Variants in MEIS1 observed in about 807,000 individuals in gnomAD.
The protein encoded by MEIS1 is Meis homeobox 1, also known as homeobox protein Meis1.
Under a neutral mutation model 50.8 loss-of-function variants are expected in MEIS1, and 5 were observed. That is an observed-to-expected ratio of 0.10 (90% CI 0.05 to 0.21). The LOEUF (loss-of-function observed/expected upper bound fraction) is 0.21. MEIS1 is among the 10% of genes least tolerant of loss of function. The pLI is 1.00. For missense variants in MEIS1, 318 were observed against 517.3 expected, an observed-to-expected ratio of 0.61 and a Z score of 3.74; for synonymous variants, 176 against 179.3, an observed-to-expected ratio of 0.98 and a Z score of 0.15.
intron 2 of MEIS1, among the ~76,000 whole-genome samples, chr2:66,438,654 G>A (rs1365070042): frequency 1.3e-5 from 2 of 152,106 alleles, no homozygotes; most frequent in Admixed American, 6.5e-5. Context: ...TTCTGGCTGC[G>A]GTTTATACTG....
chr2:66,562,038 A>ATTTTGTTTTTTTTTT (rs1675225838), intron 9 of MEIS1: 1 of 61,274 alleles, frequency 1.6e-5, no homozygotes, highest in Non-Finnish European at 2.8e-5. Context: ...TGAGCAAGTA[A>ATTTTGTTTTTTTTTT]TTTTTTTTTT....
At chr2:66,483,683 A>T (rs900907658) in intron 7 of MEIS1, among the ~76,000 whole-genome samples, 1 of 152,222 alleles carries the variant, frequency 6.6e-6, no homozygotes, top group African/African-American at 2.4e-5. Flanking sequence ...GGTCTACTGG[A>T]TTCCTTTTAA....
chr2:66,511,633 A>G (rs1433044765), intron 7 of MEIS1, among the ~76,000 whole-genome samples: 6 of 152,172 alleles, frequency 3.9e-5, no homozygotes, highest in African/African-American at 1.4e-4. Flanking sequence ...TCCTATGTCA[A>G]ACTGCTTATA....
At chr2:66,539,132 C>CT (rs916558136) in intron 8 of MEIS1, among the ~76,000 whole-genome samples, 17 of 152,140 alleles carry the variant, frequency 1.1e-4, no homozygotes, top group African/African-American at 4.1e-4. Context: ...TATGATCCAC[C>CT]TGCCTTGGCC....
In MEIS1 at chr2:66,495,087, T is replaced by C. The variant is rs1438950856; in HGVS notation, c.743-17062T>C. ...CACTTTCCCTCTTCTGACCTTTTTT[T>C]TTTTTTTTTTTTTTTTTTTTTAAAC... On this transcript the variant is annotated intron_variant, in intron 7 of 12. Transcript: ENST00000272369. Among the ~76,000 whole-genome samples, 152 of 147,408 alleles carry C rather than the reference T, an allele frequency of 1.0e-3. 16 individuals are homozygous for C. Among genetic ancestry groups the C allele is most frequent in the Non-Finnish European group, 1.5e-4 (10 of 66,820 alleles).
chr2:66,512,230 A>G lies in MEIS1; in HGVS notation c.824A>G (p.Lys275Arg). ...GATAAGGACAAAAAGCGTCACAAAA[A>G]GCGTGGCATCTTTCCCAAAGTAGCC... The part of the protein sequence containing the change: ...DPDKDKKRHK[K>R]RGIFPKVATN... The change falls in exon 8 of 13, where the codon AAG (lysine) becomes AGG (arginine). Residue 275 changes from lysine to arginine, a missense_variant. Around this residue, in one of 6 missense-constraint regions of MEIS1, gnomAD observed 40 missense variants for 102.8 expected, o/e 0.39. Transcript: ENST00000272369. 1 of 1,612,792 alleles carries G rather than the reference A, an allele frequency of 6.2e-7. No homozygotes were observed. The highest frequency in any genetic ancestry group is 8.5e-7 in the Non-Finnish European group (1 of 1,179,528).
intron 7 of MEIS1, among the ~76,000 whole-genome samples, chr2:66,492,485 C>A (rs903982027): frequency 6.6e-6 from 1 of 152,182 alleles, no homozygotes; most frequent in African/African-American, 2.4e-5. Context: ...TGGCTGCCCT[C>A]TCTACCCTGC....
intron 7 of MEIS1, among the ~76,000 whole-genome samples, chr2:66,491,419 T>A (rs749810983): frequency 3.3e-5 from 5 of 152,250 alleles, no homozygotes; most frequent in Admixed American, 6.5e-5. Context: ...TCCTTTAATG[T>A]CAGTATATCT....
chr2:66,461,652 A>G, intron 6 of MEIS1: 2 of 311,762 alleles, frequency 6.4e-6, no homozygotes, highest in South Asian at 3.0e-5. Context: ...ATTTAAACAT[A>G]TAGGTTGCAC....
At chr2:66,439,620 T>C (rs1671898643) in intron 2 of MEIS1, 1 of 1,537,258 alleles carries the variant, frequency 6.5e-7, no homozygotes, top group Non-Finnish European at 8.7e-7. Flanking sequence ...GATCCTCAGA[T>C]ACCGTCCATG....
At chr2:66,500,629 T>A (rs1673530821) in intron 7 of MEIS1, among the ~76,000 whole-genome samples, 1 of 152,134 alleles carries the variant, frequency 6.6e-6, no homozygotes, top group African/African-American at 2.4e-5. Flanking sequence ...TTCACCATCT[T>A]GGCCAGGCTG....
intron 8 of MEIS1, among the ~76,000 whole-genome samples, chr2:66,530,215 G>GGA (rs1674356338): frequency 1.4e-5 from 2 of 147,214 alleles, no homozygotes; most frequent in Non-Finnish European, 3.0e-5. Flanking sequence ...AAAAAGGAAA[G>GGA]AAGAAAAGAT....
At chr2:66,527,026 A>G (rs1674268938) in intron 8 of MEIS1, among the ~76,000 whole-genome samples, 1 of 152,168 alleles carries the variant, frequency 6.6e-6, no homozygotes, top group Non-Finnish European at 1.5e-5. Context: ...ACTTCGTTCA[A>G]AAGAGACCGA....
intron 7 of MEIS1, among the ~76,000 whole-genome samples, chr2:66,503,134 G>T (rs1014493056): frequency 6.6e-6 from 1 of 152,172 alleles, no homozygotes; most frequent in African/African-American, 2.4e-5. Flanking sequence ...GAACTAGAAA[G>T]AGACTGGGAA....
chr2:66,471,021 TCTTGATCA>T (rs1478321388), intron 7 of MEIS1, among the ~76,000 whole-genome samples: 1 of 152,222 alleles, frequency 6.6e-6, no homozygotes, highest in African/African-American at 2.4e-5. Flanking sequence ...TGAGTAGTTT[TCTTGATCA>T]CTTTTAGAAC....
chr2:66,527,856 G>A (rs1304549452), intron 8 of MEIS1, among the ~76,000 whole-genome samples: 3 of 152,008 alleles, frequency 2.0e-5, no homozygotes, highest in Non-Finnish European at 4.4e-5. Context: ...TCTTTGAATT[G>A]CAATATAAAT....
At chr2:66,522,834 C>T (rs532127444) in intron 8 of MEIS1, among the ~76,000 whole-genome samples, 9 of 152,190 alleles carry the variant, frequency 5.9e-5, no homozygotes, top group East Asian at 1.9e-4. Context: ...ATTTAGTGAC[C>T]GCATAGGAAG....
intron 3 of MEIS1, chr2:66,440,302 G>T: frequency 1.7e-6 from 1 of 592,730 alleles, no homozygotes; most frequent in Non-Finnish European, 3.0e-6. Flanking sequence ...CTGTGGACTC[G>T]GCGGTCTGAG....
At position 66,438,009 on chromosome 2, in the gene MEIS1, C is replaced by G. The variant is rs1278341137; in HGVS notation, c.239+46C>G. ...GTTAAGTAGTTGAGACTCAACGCTT[C>G]CCTCTTTCTCTGTGCCCTTGGTAAG... On this transcript the variant is annotated intron_variant, in intron 2 of 12. Transcript: ENST00000272369. 2.0e-6 allele frequency: 3 copies of G among 1,477,930 alleles called. No homozygotes were observed. In the Admixed American group the frequency reaches 6.2e-5, roughly 31 times the overall value. The allele number at this position is 1,477,930 out of a possible 1,614,324, so 91.6% of individuals were successfully genotyped here.
Sources: gnomAD v4.1 joint callset for allele counts (sites outside exome capture counted in the v4.1 genomes callset) on GRCh38, gnomAD v4.1.1 for gene constraint, gnomAD v4.1.1 regional missense constraint, MANE v1.5 for transcripts, NCBI Gene and HGNC (gene_info 2026-07-23, HGNC 2026-07-21) for gene names.